ARID4B: variants seen among roughly 807,000 people sequenced by gnomAD.
ARID4B encodes the protein AT-rich interaction domain 4B, also known as AT-rich interactive domain-containing protein 4B.
ARID4B carries 26 observed loss-of-function variants against 147.5 expected under a neutral mutation model. The ratio of observed to expected loss-of-function variants is 0.18; its 90% CI spans 0.13 to 0.24. The LOEUF is 0.24. Among genes scored for constraint, ARID4B ranks in the 10% least tolerant of loss-of-function variants. The pLI is 1.00. For synonymous variants in ARID4B, 512 were observed against 507.9 expected (o/e 1.01, Z -0.11); for missense variants, 1,179 against 1,511.5 (o/e 0.78, Z 3.65).
intron 2 of ARID4B, among the ~76,000 whole-genome samples, chr1:235,308,581 T>C (rs1323317188): frequency 6.6e-6 from 1 of 152,006 alleles, no homozygotes; most frequent in Non-Finnish European, 1.5e-5. Context: ...CCTGCCTGAT[T>C]CTCCTGCCTC....
At chr1:235,322,204 T>G (rs973286304) in intron 2 of ARID4B, among the ~76,000 whole-genome samples, 8 of 151,982 alleles carry the variant, frequency 5.3e-5, no homozygotes, top group African/African-American at 1.9e-4. Context: ...AATTTTGTAT[T>G]TTTAGTAGAA....
intron 5 of ARID4B, among the ~76,000 whole-genome samples, chr1:235,253,111 A>G (rs1218300503): frequency 6.6e-6 from 1 of 152,232 alleles, no homozygotes; most frequent in African/African-American, 2.4e-5. Flanking sequence ...ATGCTAATTA[A>G]CTCTTCTCAA....
At chr1:235,210,211 C>T (rs1204567915) in intron 17 of ARID4B, among the ~76,000 whole-genome samples, 2 of 151,974 alleles carry the variant, frequency 1.3e-5, no homozygotes, top group Non-Finnish European at 2.9e-5. Flanking sequence ...GGTGACAGAA[C>T]AAGGTCCTGT....
chr1:235,307,150 T>C (rs191790786), intron 2 of ARID4B, among the ~76,000 whole-genome samples: 12 of 152,132 alleles, frequency 7.9e-5, no homozygotes, highest in East Asian at 5.8e-4. Context: ...TACAAGTAAA[T>C]AGAAAATGTC....
chr1:235,285,532 C>T (rs1322310962), intron 2 of ARID4B, among the ~76,000 whole-genome samples: 2 of 152,228 alleles, frequency 1.3e-5, no homozygotes, highest in Non-Finnish European at 2.9e-5. Context: ...AGACTGAATG[C>T]TTTTCCCTAC....
intron 21 of ARID4B, chr1:235,176,682 T>A (rs1172257028): frequency 5.5e-6 from 2 of 363,976 alleles, no homozygotes; most frequent in Non-Finnish European, 1.1e-5. Context: ...CAGTGGACTG[T>A]CTCAGCCTGG....
At chr1:235,327,047 G>A in intron 1 of ARID4B, 79 bp from the exon 2 acceptor site, 3 of 1,011,158 alleles carry the variant, frequency 3.0e-6, no homozygotes, top group East Asian at 2.5e-5. Flanking sequence ...AAAGAAGCGA[G>A]CGACGTCCGA....
At chr1:235,200,019 A>G (rs1665778656) in intron 17 of ARID4B, among the ~76,000 whole-genome samples, 1 of 150,954 alleles carries the variant, frequency 6.6e-6, no homozygotes, top group Non-Finnish European at 1.5e-5. Flanking sequence ...AAAAAAAAAA[A>G]GCAAATTCAT....
At chr1:235,269,626 CAA>C (rs1323034219) in intron 2 of ARID4B, among the ~76,000 whole-genome samples, 5 of 151,792 alleles carry the variant, frequency 3.3e-5, no homozygotes, top group Admixed American at 6.6e-5. Flanking sequence ...TATATGTATA[CAA>C]TATATATGTG....
chr1:235,223,092 A>C, intron 13 of ARID4B, 74 bp downstream of exon 13: 1 of 1,030,420 alleles, frequency 9.7e-7, no homozygotes, highest in Middle Eastern at 2.1e-4. Flanking sequence ...TTAGAAAAAC[A>C]ATTTCAGAGA....
intron 2 of ARID4B, among the ~76,000 whole-genome samples, chr1:235,276,855 C>G (rs890661605): frequency 6.6e-6 from 1 of 151,746 alleles, no homozygotes; most frequent in African/African-American, 2.4e-5. Flanking sequence ...AAAAAATTAG[C>G]TGGGAGTGGT....
chr1:235,277,998 C>T (rs914096095), intron 2 of ARID4B, among the ~76,000 whole-genome samples: 6 of 152,032 alleles, frequency 3.9e-5, no homozygotes, highest in Admixed American at 6.6e-5. Context: ...GAGTATTATT[C>T]CCCTATCCCA....
At chr1:235,305,041 G>T (rs953858168) in intron 2 of ARID4B, among the ~76,000 whole-genome samples, 12 of 152,156 alleles carry the variant, frequency 7.9e-5, no homozygotes, top group Non-Finnish European at 1.5e-5. Context: ...AAGCTGACAT[G>T]GAATCAGAGT....
chr1:235,281,710 A>G (rs1671682685), intron 2 of ARID4B, among the ~76,000 whole-genome samples: 1 of 152,190 alleles, frequency 6.6e-6, no homozygotes, highest in African/African-American at 2.4e-5. Flanking sequence ...AGCCTGCCTC[A>G]GAAAAACAAA....
intron 9 of ARID4B, among the ~76,000 whole-genome samples, chr1:235,231,782 C>A (rs1207264505): frequency 6.6e-6 from 1 of 152,150 alleles, no homozygotes; most frequent in African/African-American, 2.4e-5. Flanking sequence ...GCCACCACAC[C>A]CGGCCAAAAA....
At chr1:235,186,503 C>A (rs1474238835) in intron 19 of ARID4B, among the ~76,000 whole-genome samples, 1 of 151,706 alleles carries the variant, frequency 6.6e-6, no homozygotes, top group Non-Finnish European at 1.5e-5. Context: ...CTCCACCTCC[C>A]GGGTTCAGGC....
intron 4 of ARID4B, 102 bp downstream of exon 4, chr1:235,257,058 T>C: frequency 1.2e-6 from 1 of 810,710 alleles, no homozygotes. Flanking sequence ...AATTACATAT[T>C]GAATTTATCA....
At chr1:235,241,782 C>T (rs1297051514) in intron 7 of ARID4B, among the ~76,000 whole-genome samples, 1 of 151,832 alleles carries the variant, frequency 6.6e-6, no homozygotes, top group African/African-American at 2.4e-5. Context: ...TCCCAAAGTG[C>T]TGGGATTATA....
At chr1:235,270,734 T>C (rs1455173751) in intron 2 of ARID4B, among the ~76,000 whole-genome samples, 1 of 152,226 alleles carries the variant, frequency 6.6e-6, no homozygotes, top group Non-Finnish European at 1.5e-5. Context: ...GCCAATCTAC[T>C]CTGCCTTGAG....
Sources: allele counts gnomAD v4.1 joint callset (sites outside exome capture counted in the v4.1 genomes callset), GRCh38; gene constraint gnomAD v4.1.1; transcripts MANE v1.5; gene names NCBI Gene and HGNC (gene_info 2026-07-23, HGNC 2026-07-21).